The following THSD7A variants were observed in gnomAD, a reference collection of about 807,000 sequenced individuals.
THSD7A encodes the protein thrombospondin type-1 domain-containing protein 7A.
THSD7A carries 96 observed loss-of-function variants against 231.3 expected under a neutral mutation model. That is an observed-to-expected ratio of 0.41 (90% confidence interval 0.35 to 0.49). The LOEUF is 0.49. Ranked by LOEUF, THSD7A falls within the 20% of genes least tolerant of loss-of-function variation. The pLI, the probability that THSD7A is intolerant of heterozygous loss-of-function variation, is 0.05. For missense variants in THSD7A, 2,290 were observed against 2,070.2 expected (o/e 1.11, Z -2.06); for synonymous variants, 940 against 743.3 (o/e 1.26, Z -4.30).
intron 4 of THSD7A, among the ~76,000 whole-genome samples, chr7:11,555,601 C>T (rs1031437587): frequency 2.6e-5 from 4 of 151,742 alleles, no homozygotes; most frequent in South Asian, 2.1e-4. Context: ...TGAGTTCTTC[C>T]GTATTTTTGC....
intron 1 of THSD7A, among the ~76,000 whole-genome samples, chr7:11,647,447 A>G (rs769211297): frequency 1.3e-5 from 2 of 151,998 alleles, no homozygotes; most frequent in Non-Finnish European, 2.9e-5. Flanking sequence ...TTCTCCAATC[A>G]TGCAATCTGT....
intron 19 of THSD7A, among the ~76,000 whole-genome samples, chr7:11,408,063 C>T (rs1783647253): frequency 6.6e-6 from 1 of 152,038 alleles, no homozygotes; most frequent in Admixed American, 6.6e-5. Context: ...TGGTGTCAAA[C>T]CTTCTCATCA....
chr7:11,474,578 T>G lies in THSD7A; in HGVS notation c.2018-10A>C, dbSNP rs564003964. On this transcript the variant is annotated splice_polypyrimidine_tract_variant and intron_variant, in intron 7 of 27. Coordinates refer to ENST00000423059, the MANE Select transcript of THSD7A (RefSeq NM_015204.3). The surrounding 1 kb of genome is among the most constrained non-coding windows in gnomAD (Gnocchi z 4.1). ...GGACAGCGAATTCCACCTAAAAACA[T>G]GGACAATGATAGCAAATTAGATACG... 1 of 1,580,448 alleles carries G rather than the reference T, an allele frequency of 6.3e-7. No homozygotes were observed. Among genetic ancestry groups the G allele is most frequent in the South Asian group, 1.1e-5 (1 of 88,596 alleles).
At chr7:11,591,294 T>C (rs1177630882) in intron 3 of THSD7A, among the ~76,000 whole-genome samples, 1 of 151,864 alleles carries the variant, frequency 6.6e-6, no homozygotes, top group Non-Finnish European at 1.5e-5. Context: ...AAGATTATGA[T>C]GTGAGAAAAA....
chr7:11,757,834 G>T (rs1013626253), intron 1 of THSD7A, among the ~76,000 whole-genome samples: 1 of 151,216 alleles, frequency 6.6e-6, no homozygotes, highest in Non-Finnish European at 1.5e-5. Flanking sequence ...TACCCTCAAA[G>T]GCTAGTCAAG....
intron 1 of THSD7A, among the ~76,000 whole-genome samples, chr7:11,811,278 G>C (rs1784522270): frequency 6.6e-6 from 1 of 152,060 alleles, no homozygotes; most frequent in East Asian, 1.9e-4. Context: ...GTTATGTAAA[G>C]ACCTTCAACA....
At position 11,800,740 on chromosome 7, in the gene THSD7A, G is replaced by C. The variant is rs577640620; in HGVS notation, c.190+31017C>G. Among the ~76,000 whole-genome samples the C allele has an allele frequency of 1.3e-4, 20 of 152,208 alleles. No homozygotes were observed. In the South Asian group the frequency reaches 1.9e-3, roughly 14 times the overall value. The stretch of plus-strand genomic sequence containing the variant: ...CAGGGGCTGAGGGGAGAGGGAAATG[G>C]AGAATTGTTTTTCGATGAGTATAAA... On this transcript the variant is annotated intron_variant, in intron 1 of 27. Transcript: ENST00000423059.
Position 11,831,916 on chromosome 7 carries a change from C to A in THSD7A, c.31G>T (p.Gly11Trp), listed in dbSNP as rs1342456790. ...CGCGGCCCCGCAGCGCCCCGGCTCC[C>A]GGACGCCCAGCGCCTGGCTTGCAGC... The part of the protein sequence containing the change: MGLQARRWAS[G>W]SRGAAGPRRG... The change falls in exon 1 of 28, where the codon GGG (glycine) becomes TGG (tryptophan). Residue 11 changes from glycine to tryptophan, a missense_variant. Physicochemically the swap from Gly to Trp is radical, Grantham distance 184. Transcript: ENST00000423059. This position sits in a 1 kb window ranked among gnomAD's most constrained non-coding sequence, Gnocchi z 5.0. 8.1e-7 allele frequency: 1 copy of A among 1,236,636 alleles called. No homozygotes were observed. Among genetic ancestry groups the A allele is most frequent in the Non-Finnish European group, 1.0e-6 (1 of 993,398 alleles). 76.6% of individuals were successfully genotyped at this position (1,236,636 alleles called of 1,614,324 possible).
intron 1 of THSD7A, among the ~76,000 whole-genome samples, chr7:11,668,285 G>C (rs1215188355): frequency 6.6e-6 from 1 of 152,062 alleles, no homozygotes; most frequent in Non-Finnish European, 1.5e-5. Flanking sequence ...TGGTCTAGTG[G>C]CAGAAGCCTG....
intron 1 of THSD7A, among the ~76,000 whole-genome samples, chr7:11,711,552 T>C (rs746987359): frequency 4.0e-5 from 6 of 151,088 alleles, no homozygotes; most frequent in Non-Finnish European, 8.9e-5. Flanking sequence ...ATCAGGAAAC[T>C]GGCATCAGCT....
chr7:11,819,593 T>C (rs1442700421), intron 1 of THSD7A, among the ~76,000 whole-genome samples: 3 of 152,170 alleles, frequency 2.0e-5, no homozygotes, highest in East Asian at 3.9e-4. Flanking sequence ...ATTCCAACTA[T>C]ATAACGTTCT....
intron 6 of THSD7A, among the ~76,000 whole-genome samples, chr7:11,516,235 AATAC>A (rs754697286): frequency 6.6e-6 from 1 of 152,204 alleles, no homozygotes. Flanking sequence ...GCCCTCATAA[AATAC>A]ATACATAAAT....
chr7:11,528,093 G>C lies in THSD7A; in HGVS notation c.1822+13326C>G, dbSNP rs572879076. ...GAGGCAGGAGGATCATTTGAGCCCA[G>C]GAGTTTGAGGGCTGCAGTGAGCTAT... On this transcript the variant is annotated intron_variant, in intron 6 of 27. Coordinates refer to ENST00000423059, the MANE Select transcript of THSD7A (RefSeq NM_015204.3). Among the ~76,000 whole-genome samples the C allele has an allele frequency of 9.2e-5, 14 of 152,274 alleles. No homozygotes were observed. The South Asian group carries it at 2.7e-3, about 29-fold the overall frequency.
intron 11 of THSD7A, among the ~76,000 whole-genome samples, chr7:11,459,995 G>A (rs376256889): frequency 3.9e-5 from 6 of 152,140 alleles, no homozygotes; most frequent in East Asian, 3.9e-4. Flanking sequence ...AATTTGCTAT[G>A]TCTGGAAGAA....
intron 6 of THSD7A, among the ~76,000 whole-genome samples, chr7:11,516,357 G>A (rs189195279): frequency 2.0e-5 from 3 of 152,242 alleles, no homozygotes; most frequent in East Asian, 3.9e-4. Flanking sequence ...GCTAATGTCC[G>A]TGTACCCGAG....
rs186177651 is a variant in THSD7A at position 11,422,520 on chromosome 7, A to C, written c.3383+2176T>G. ...TTCTCTATTTGCATTGAAGTTGTTT[A>C]CTGAAAAAATAAATTGATCTGAAAA... On this transcript the variant is annotated intron_variant, in intron 16 of 27. Transcript: ENST00000423059. Among the ~76,000 whole-genome samples, 33 of 151,676 alleles carry C rather than the reference A, an allele frequency of 2.2e-4. No homozygotes were observed. In the East Asian group the frequency reaches 6.4e-3, roughly 29 times the overall value.
chr7:11,372,331 C>G lies in THSD7A; in HGVS notation c.*3463G>C, dbSNP rs1334367186. 2.4e-5 allele frequency: 3 copies of G among 123,934 alleles called. No homozygotes were observed. Among genetic ancestry groups the G allele is most frequent in the Non-Finnish European group, 5.2e-5 (3 of 58,150 alleles). 7.7% of individuals were successfully genotyped at this position (123,934 alleles called of 1,614,324 possible). ...CTTAAGTACCTATGTATACAAAAGCCATTACTTTTTTTTTTTTTTTTACAA... is the reference window on the plus strand; with the variant it reads ...CTTAAGTACCTATGTATACAAAAGCGATTACTTTTTTTTTTTTTTTTACAA... On this transcript the variant is annotated 3_prime_UTR_variant, in exon 28 of 28. Transcript: ENST00000423059.
chr7:11,746,497 T>C (rs1396048708), intron 1 of THSD7A, among the ~76,000 whole-genome samples: 1 of 151,858 alleles, frequency 6.6e-6, no homozygotes, highest in African/African-American at 2.4e-5. Flanking sequence ...CTTTCCTTGT[T>C]TTTCATGACC....
At chr7:11,689,107 T>C (rs1526552) in intron 1 of THSD7A, among the ~76,000 whole-genome samples, 15,735 of 151,888 alleles carry the variant, frequency 0.1, 1,035 homozygotes, top group Non-Finnish European at 0.15. Context: ...GATTTGACAA[T>C]GACAATGTAA....
Sources: allele counts gnomAD v4.1 joint callset (sites outside exome capture counted in the v4.1 genomes callset), GRCh38; gene constraint gnomAD v4.1.1; non-coding constraint Gnocchi (gnomAD v3.1); transcripts MANE v1.5; gene names NCBI Gene and HGNC (gene_info 2026-07-23, HGNC 2026-07-21).